The following LRRC7 variants were observed in gnomAD, a reference collection of about 807,000 sequenced individuals.
The protein encoded by LRRC7 is leucine-rich repeat-containing protein 7.
Under a neutral mutation model 175.7 loss-of-function variants are expected in LRRC7, and 23 were observed. The ratio of observed to expected loss-of-function variants is 0.13; its 90% CI spans 0.09 to 0.19. The LOEUF (loss-of-function observed/expected upper bound fraction) is 0.19. Among genes scored for constraint, LRRC7 ranks in the 10% least tolerant of loss-of-function variants. The pLI, the probability that LRRC7 is intolerant of heterozygous loss-of-function variation, is 1.00. For missense variants in LRRC7, 1,354 were observed against 1,904.7 expected (o/e 0.71, Z 5.38); for synonymous variants, 685 against 680.9 (o/e 1.01, Z -0.09).
chr1:69,652,316 C>CA (rs1302307097), intron 1 of LRRC7, among the ~76,000 whole-genome samples: 2 of 151,886 alleles, frequency 1.3e-5, no homozygotes, highest in African/African-American at 4.8e-5. Context: ...AATCAACACA[C>CA]AAAAAATAAA....
chr1:69,844,203 A>G (rs1385980852), intron 7 of LRRC7, among the ~76,000 whole-genome samples: 3 of 151,756 alleles, frequency 2.0e-5, no homozygotes, highest in Non-Finnish European at 4.4e-5. Flanking sequence ...TATCGTGGTA[A>G]GACTACTTAA....
rs573896916 is a variant in LRRC7 at position 69,625,810 on chromosome 1, T to C, written c.3-52571T>C. ...GAATTTCTAAACATCTGGAATTTTCTAGTTACCTTTATGCCAATTATTTCT... is the reference window on the plus strand; with the variant it reads ...GAATTTCTAAACATCTGGAATTTTCCAGTTACCTTTATGCCAATTATTTCT... On this transcript the variant is annotated intron_variant, in intron 1 of 26. Transcript: ENST00000651989. Among the ~76,000 whole-genome samples, 183 of 152,300 alleles carry C rather than the reference T, an allele frequency of 1.2e-3. 1 individual carries two copies. The highest frequency in any genetic ancestry group is 4.1e-3 in the African/African-American group (171 of 41,578).
At chr1:69,781,373 A>G (rs2101021058) in intron 3 of LRRC7, among the ~76,000 whole-genome samples, 1 of 152,024 alleles carries the variant, frequency 6.6e-6, no homozygotes, top group South Asian at 2.1e-4. Flanking sequence ...CAGAGGCGAT[A>G]GTGCGCTAGT....
chr1:69,599,913 C>A (rs1335540709), intron 1 of LRRC7, among the ~76,000 whole-genome samples: 2 of 152,146 alleles, frequency 1.3e-5, no homozygotes, highest in African/African-American at 2.4e-5. Flanking sequence ...AACGTTTACT[C>A]ACTCCTAAGA....
chr1:69,806,701 TAATCAATGAAATTTAA>T (rs1213909694), intron 4 of LRRC7, among the ~76,000 whole-genome samples: 1 of 152,000 alleles, frequency 6.6e-6, no homozygotes, highest in African/African-American at 2.4e-5. Flanking sequence ...TAAATGAGTG[TAATCAATGAAATTTAA>T]TATATCTGTG....
At chr1:69,973,879 C>T (rs1436563740) in intron 8 of LRRC7, among the ~76,000 whole-genome samples, 2 of 152,190 alleles carry the variant, frequency 1.3e-5, no homozygotes. Flanking sequence ...AACCTCCATG[C>T]CCAGCCATTT....
At chr1:70,097,473 T>A (rs563359638) in intron 25 of LRRC7, among the ~76,000 whole-genome samples, 1 of 152,330 alleles carries the variant, frequency 6.6e-6, no homozygotes, top group Admixed American at 6.5e-5. Flanking sequence ...ACCATTTTTT[T>A]ATTGTACTTT....
At chr1:70,036,935 T>C (rs913679287) in intron 20 of LRRC7, among the ~76,000 whole-genome samples, 4 of 152,186 alleles carry the variant, frequency 2.6e-5, no homozygotes, top group African/African-American at 9.6e-5. Flanking sequence ...TGTTTTAACA[T>C]ACAAAATGGC....
At chr1:69,997,884 C>T (rs934634622) in intron 11 of LRRC7, among the ~76,000 whole-genome samples, 14 of 152,214 alleles carry the variant, frequency 9.2e-5, no homozygotes, top group South Asian at 6.2e-4. Context: ...TATCTCTGCC[C>T]GGCTTTGGTA....
intron 4 of LRRC7, among the ~76,000 whole-genome samples, chr1:69,805,699 T>C (rs1260816217): frequency 2.0e-5 from 3 of 151,876 alleles, no homozygotes; most frequent in South Asian, 2.1e-4. Context: ...AAGAACATCA[T>C]GGTAACAAAA....
chr1:69,963,333 A>G (rs960148070), intron 8 of LRRC7, among the ~76,000 whole-genome samples: 10 of 151,998 alleles, frequency 6.6e-5, no homozygotes, highest in African/African-American at 2.4e-4. Flanking sequence ...AGAAAGAAAC[A>G]AAGAAAAAGA....
chr1:69,799,712 T>C (rs1309080869), intron 4 of LRRC7, among the ~76,000 whole-genome samples: 1 of 152,126 alleles, frequency 6.6e-6, no homozygotes, highest in African/African-American at 2.4e-5. Flanking sequence ...TTTATTTGAC[T>C]GTACAGAGGC....
chr1:69,958,543 T>G (rs1338855035), intron 8 of LRRC7, among the ~76,000 whole-genome samples: 1 of 151,954 alleles, frequency 6.6e-6, no homozygotes, highest in Non-Finnish European at 1.5e-5. Flanking sequence ...CAAGGCATGT[T>G]TGTGTGCTGC....
intron 7 of LRRC7, among the ~76,000 whole-genome samples, chr1:69,861,878 C>T (rs1175131162): frequency 6.6e-6 from 1 of 152,120 alleles, no homozygotes; most frequent in Non-Finnish European, 1.5e-5. Flanking sequence ...CCTGTCAGGC[C>T]CTACCCACAC....
At chr1:69,650,119 T>C (rs1006644876) in intron 1 of LRRC7, among the ~76,000 whole-genome samples, 15 of 152,360 alleles carry the variant, frequency 9.8e-5, no homozygotes, top group African/African-American at 3.6e-4. Context: ...TACTCCATTA[T>C]TAATTTTCTG....
intron 2 of LRRC7, among the ~76,000 whole-genome samples, chr1:69,746,945 G>T (rs377668323): frequency 1.2e-4 from 18 of 152,098 alleles, no homozygotes; most frequent in African/African-American, 3.9e-4. Flanking sequence ...TGTGAGAAAA[G>T]GATGTGTGGT....
At chr1:69,807,320 G>A (rs1277196574) in intron 4 of LRRC7, among the ~76,000 whole-genome samples, 1 of 151,972 alleles carries the variant, frequency 6.6e-6, no homozygotes, top group Non-Finnish European at 1.5e-5. Flanking sequence ...TGTTATGTGT[G>A]TATTTGGTCC....
At chr1:69,976,547 C>G (rs1267136315) in intron 8 of LRRC7, among the ~76,000 whole-genome samples, 1 of 152,222 alleles carries the variant, frequency 6.6e-6, no homozygotes, top group East Asian at 1.9e-4. Flanking sequence ...TAAACACTCA[C>G]TATTAACCAT....
chr1:69,663,754 G>A (rs1411597108), intron 1 of LRRC7, among the ~76,000 whole-genome samples: 2 of 113,336 alleles, frequency 1.8e-5, no homozygotes, highest in Non-Finnish European at 3.3e-5. Context: ...TCGCTCTGTC[G>A]CCCAGGCCGG....
Sources: allele counts gnomAD v4.1 joint callset (sites outside exome capture counted in the v4.1 genomes callset), GRCh38; gene constraint gnomAD v4.1.1; transcripts MANE v1.5; gene names NCBI Gene and HGNC (gene_info 2026-07-23, HGNC 2026-07-21).